The following TFDP1 variants were observed in gnomAD, a reference collection of about 807,000 sequenced individuals.
TFDP1 encodes the protein DRTF1-polypeptide 1.
TFDP1 carries 6 observed loss-of-function variants against 48.0 expected under a neutral mutation model. That is an observed-to-expected ratio of 0.13 (90% CI 0.07 to 0.25). The LOEUF is 0.25. TFDP1 is among the 10% of genes least tolerant of loss of function. The pLI, the probability that TFDP1 is intolerant of heterozygous loss-of-function variation, is 1.00. For missense variants in TFDP1, 335 were observed against 543.0 expected, an observed-to-expected ratio of 0.62 and a Z score of 3.81; for synonymous variants, 201 against 211.6, an observed-to-expected ratio of 0.95 and a Z score of 0.44.
chr13:113,603,599 C>T (rs1222390870), intron 2 of TFDP1, among the ~76,000 whole-genome samples: 1 of 152,160 alleles, frequency 6.6e-6, no homozygotes, highest in African/African-American at 2.4e-5. Flanking sequence ...GTTTTACGAA[C>T]GTGTGTTTTG....
At chr13:113,613,682 A>AGTGTGTGTGTGTATGC (rs2048771152) in intron 3 of TFDP1, among the ~76,000 whole-genome samples, 1 of 125,688 alleles carries the variant, frequency 8.0e-6, no homozygotes, top group Non-Finnish European at 1.7e-5. Context: ...TGTGTGCATG[A>AGTGTGTGTGTGTATGC]GTGTGTGTGT....
At chr13:113,604,084 C>T (rs4150717) in intron 2 of TFDP1, among the ~76,000 whole-genome samples, 34 of 147,144 alleles carry the variant, frequency 2.3e-4, no homozygotes, top group African/African-American at 6.9e-4. Context: ...TGGCTTGAAC[C>T]GGGAAGGTCA....
chr13:113,622,143 C>T, intron 3 of TFDP1, among the ~76,000 whole-genome samples: 1 of 152,344 alleles, frequency 6.6e-6, no homozygotes, highest in East Asian at 1.9e-4. Context: ...GCTTACTCTC[C>T]TTATCTTTCC....
At chr13:113,597,407 C>G (rs1257612044) in intron 2 of TFDP1, among the ~76,000 whole-genome samples, 2 of 152,202 alleles carry the variant, frequency 1.3e-5, no homozygotes, top group Non-Finnish European at 2.9e-5. Context: ...TGTCTGGCAG[C>G]GTGTGCTGCA....
intron 3 of TFDP1, among the ~76,000 whole-genome samples, chr13:113,622,854 A>G (rs1257728388): frequency 1.3e-5 from 2 of 152,276 alleles, no homozygotes; most frequent in Non-Finnish European, 2.9e-5. Context: ...TCTGTTCCAT[A>G]ATTGTCATAG....
At chr13:113,610,340 C>A (rs4150725) in intron 2 of TFDP1, among the ~76,000 whole-genome samples, 17 of 151,290 alleles carry the variant, frequency 1.1e-4, no homozygotes, top group Admixed American at 1.1e-3. Context: ...TACTGTCATG[C>A]GTGTGCCCCC....
intron 2 of TFDP1, among the ~76,000 whole-genome samples, chr13:113,600,071 C>A (rs2048374486): frequency 6.7e-6 from 1 of 149,214 alleles, no homozygotes; most frequent in Non-Finnish European, 1.5e-5. Context: ...AGAGAGAATC[C>A]TTGCACGTAG....
At chr13:113,606,245 T>C (rs2048568921) in intron 2 of TFDP1, among the ~76,000 whole-genome samples, 1 of 151,894 alleles carries the variant, frequency 6.6e-6, no homozygotes, top group South Asian at 2.1e-4. Flanking sequence ...TGGTGGTGAG[T>C]GTCCGCAGGG....
At chr13:113,617,401 G>A (rs944644044) in intron 3 of TFDP1, among the ~76,000 whole-genome samples, 3 of 149,276 alleles carry the variant, frequency 2.0e-5, no homozygotes, top group Admixed American at 1.3e-4. Flanking sequence ...TGCTGCTTGC[G>A]AGCCAGTCAC....
At chr13:113,612,155 CCCTTTCTGTCCAGT>C (rs2048724024) in intron 3 of TFDP1, among the ~76,000 whole-genome samples, 1 of 152,210 alleles carries the variant, frequency 6.6e-6, no homozygotes, top group African/African-American at 2.4e-5. Flanking sequence ...TGCCACCCGT[CCCTTTCTGTCCAGT>C]GCTGGTGCGG....
intron 2 of TFDP1, among the ~76,000 whole-genome samples, chr13:113,606,893 T>G (rs57861029): frequency 0.014 from 2,056 of 152,164 alleles, 46 homozygotes; most frequent in African/African-American, 0.047. Context: ...CACCGTGTGG[T>G]TTCCTTTTAG....
intron 3 of TFDP1, among the ~76,000 whole-genome samples, chr13:113,614,271 TTGTG>T (rs965394967): frequency 1.3e-5 from 2 of 151,792 alleles, no homozygotes; most frequent in African/African-American, 4.8e-5. Flanking sequence ...TGTGTGTGAG[TTGTG>T]TGTGTGTAAG....
At chr13:113,587,423 G>C (rs4150687) in intron 2 of TFDP1, among the ~76,000 whole-genome samples, 1,854 of 152,006 alleles carry the variant, frequency 0.012, 35 homozygotes, top group East Asian at 0.043. Context: ...CAGGAGTGCT[G>C]GGTCTGGATG....
Position 113,640,329 on chromosome 13 carries a change from A to G in TFDP1, c.*62A>G. 2 of 1,539,940 alleles carry G rather than the reference A, an allele frequency of 1.3e-6. No homozygotes were observed. Among genetic ancestry groups the G allele is most frequent in the South Asian group, 1.2e-5 (1 of 83,108 alleles). On this transcript the variant is annotated 3_prime_UTR_variant, in exon 12 of 12. Transcript: ENST00000375370. ...TTTAGCGAAAAGAAACTTTTTTTTT[A>G]ATGTGGGTTTTCTGTTTCCTTTTGG...
intron 2 of TFDP1, among the ~76,000 whole-genome samples, chr13:113,591,194 T>G (rs1212871709): frequency 1.3e-5 from 2 of 150,210 alleles, no homozygotes; most frequent in Non-Finnish European, 3.0e-5. Context: ...ATACAGAAAT[T>G]AGCTGGGCGT....
At chr13:113,589,676 C>T (rs1417202210) in intron 2 of TFDP1, among the ~76,000 whole-genome samples, 3 of 152,210 alleles carry the variant, frequency 2.0e-5, no homozygotes, top group Admixed American at 6.5e-5. Context: ...TCGGAACCGT[C>T]CTCAGATTCA....
chr13:113,608,476 G>C lies in TFDP1; in HGVS notation c.13-2520G>C, dbSNP rs367879633. ...TCCACAGCTGGGACTTGCTCCGTCA[G>C]ACCCCCAGCAGGGCTTCCTCCAGCT... On this transcript the variant is annotated intron_variant, in intron 2 of 11. Coordinates refer to ENST00000375370, the MANE Select transcript of TFDP1 (RefSeq NM_007111.5). Among the ~76,000 whole-genome samples, 82 of 152,320 alleles carry C rather than the reference G, an allele frequency of 5.4e-4. 4 individuals carry two copies. The South Asian group carries it at 0.016, about 30-fold the overall frequency.
intron 3 of TFDP1, among the ~76,000 whole-genome samples, chr13:113,613,579 T>C (rs966191649): frequency 6.2e-5 from 6 of 96,458 alleles, no homozygotes; most frequent in Non-Finnish European, 9.9e-5. Flanking sequence ...CGAGTGTGTG[T>C]GTGCATGAGT....
At chr13:113,615,117 A>G (rs892336667) in intron 3 of TFDP1, among the ~76,000 whole-genome samples, 7 of 152,182 alleles carry the variant, frequency 4.6e-5, no homozygotes, top group Non-Finnish European at 1.5e-5. Flanking sequence ...CAGGCTCCCC[A>G]AGGATGGGAG....
Sources: gnomAD v4.1 joint callset for allele counts (sites outside exome capture counted in the v4.1 genomes callset) on GRCh38, gnomAD v4.1.1 for gene constraint, MANE v1.5 for transcripts, NCBI Gene and HGNC (gene_info 2026-07-23, HGNC 2026-07-21) for gene names.